Variants in DCLK1 observed in about 807,000 individuals in gnomAD.
DCLK1 encodes the protein serine/threonine-protein kinase DCLK1.
Under a neutral mutation model 86.2 loss-of-function variants are expected in DCLK1, and 16 were observed. The ratio of observed to expected loss-of-function variants is 0.19; its 90% CI spans 0.13 to 0.28. DCLK1 has a LOEUF of 0.28. DCLK1 is among the 10% of genes least tolerant of loss of function. DCLK1 has a pLI of 1.00. For synonymous variants in DCLK1, 369 were observed against 370.5 expected (o/e 1.00, Z 0.05); for missense variants, 590 against 940.2 (o/e 0.63, Z 4.87).
chr13:36,079,037 C>G (rs148480077), intron 3 of DCLK1, among the ~76,000 whole-genome samples: 75 of 152,246 alleles, frequency 4.9e-4, no homozygotes, highest in African/African-American at 1.8e-3. Flanking sequence ...CATCAAAACA[C>G]TTTACATTAA....
At chr13:35,891,972 G>A (rs570642970) in intron 4 of DCLK1, among the ~76,000 whole-genome samples, 7 of 152,154 alleles carry the variant, frequency 4.6e-5, no homozygotes, top group African/African-American at 9.6e-5. Context: ...TTACCGCAAT[G>A]CAGATGCTAT....
At chr13:35,848,862 C>T in intron 6 of DCLK1, 3 of 985,310 alleles carry the variant, frequency 3.0e-6, no homozygotes, top group African/African-American at 1.7e-5. Flanking sequence ...AAAGACATAA[C>T]TAAAACAGAC....
chr13:35,960,045 C>T (rs1878373658), intron 3 of DCLK1, among the ~76,000 whole-genome samples: 1 of 152,134 alleles, frequency 6.6e-6, no homozygotes, highest in Non-Finnish European at 1.5e-5. Context: ...CTATCCCTTT[C>T]CTTTTCCTGG....
chr13:35,884,211 A>G (rs1462026244), intron 4 of DCLK1, among the ~76,000 whole-genome samples: 3 of 152,224 alleles, frequency 2.0e-5, no homozygotes, highest in Non-Finnish European at 4.4e-5. Flanking sequence ...GGAAAAAAAA[A>G]AGACTAAACT....
intron 4 of DCLK1, among the ~76,000 whole-genome samples, chr13:35,922,415 A>G (rs902171008): frequency 1.3e-5 from 2 of 152,194 alleles, no homozygotes; most frequent in Non-Finnish European, 2.9e-5. Context: ...CTACGCATGC[A>G]GCAGATGATC....
chr13:35,923,243 C>T (rs1055830759), intron 4 of DCLK1, among the ~76,000 whole-genome samples: 5 of 152,038 alleles, frequency 3.3e-5, no homozygotes, highest in Non-Finnish European at 4.4e-5. Flanking sequence ...ACTTTAGAGA[C>T]GGGGGTCTCA....
At chr13:35,843,038 T>A (rs1272675690) in intron 6 of DCLK1, among the ~76,000 whole-genome samples, 2 of 152,322 alleles carry the variant, frequency 1.3e-5, no homozygotes, top group East Asian at 3.9e-4. Context: ...ATTAACTTAA[T>A]GAGATTAACC....
chr13:35,929,304 T>G (rs1876298147), intron 4 of DCLK1, among the ~76,000 whole-genome samples: 1 of 152,226 alleles, frequency 6.6e-6, no homozygotes, highest in Admixed American at 6.5e-5. Context: ...AAAAAAGGTA[T>G]GAAAACATAA....
intron 4 of DCLK1, among the ~76,000 whole-genome samples, chr13:35,902,556 G>A (rs1297716400): frequency 6.6e-6 from 1 of 152,216 alleles, no homozygotes; most frequent in Non-Finnish European, 1.5e-5. Context: ...AGAGAAAAGG[G>A]TAGGCATCAG....
intron 3 of DCLK1, among the ~76,000 whole-genome samples, chr13:35,970,227 T>C (rs1229832566): frequency 6.6e-6 from 1 of 152,228 alleles, no homozygotes; most frequent in Non-Finnish European, 1.5e-5. Context: ...TTTCCATTCG[T>C]GGCTCCATCC....
intron 11 of DCLK1, among the ~76,000 whole-genome samples, chr13:35,813,965 G>A (rs1393448979): frequency 6.6e-6 from 1 of 152,070 alleles, no homozygotes; most frequent in Non-Finnish European, 1.5e-5. Context: ...TCACTGTCAG[G>A]CAGGGCAGGA....
chr13:36,056,716 A>G (rs902167991), intron 3 of DCLK1, among the ~76,000 whole-genome samples: 4 of 150,918 alleles, frequency 2.7e-5, no homozygotes, highest in African/African-American at 9.7e-5. Flanking sequence ...TATGCATAAC[A>G]ATAAATATGT....
At chr13:35,845,140 CA>C (rs1870083813) in intron 6 of DCLK1, among the ~76,000 whole-genome samples, 1 of 152,094 alleles carries the variant, frequency 6.6e-6, no homozygotes. Context: ...TCTAGCTACT[CA>C]GGAGGCTGGG....
intron 3 of DCLK1, among the ~76,000 whole-genome samples, chr13:36,019,313 A>G (rs1032124880): frequency 6.6e-6 from 1 of 152,210 alleles, no homozygotes; most frequent in African/African-American, 2.4e-5. Context: ...CAGTTTTCAA[A>G]TAACTTGGCC....
rs112062621 is a variant in DCLK1 at position 36,064,455 on chromosome 13, T to C, written c.723+47414A>G. Among the ~76,000 whole-genome samples, 1,269 of 152,134 alleles carry C rather than the reference T, an allele frequency of 8.3e-3. 15 individuals carry two copies. Among genetic ancestry groups the C allele is most frequent in the African/African-American group, 0.029 (1,195 of 41,496 alleles). On this transcript the variant is annotated intron_variant, in intron 3 of 16. Transcript: ENST00000360631. The stretch of plus-strand genomic sequence containing the variant: ...GTTGGCGGATCACGAGGTCAGGAGA[T>C]CGAGACCATCCTGGCCAACATGGTG...
intron 3 of DCLK1, among the ~76,000 whole-genome samples, chr13:35,983,351 G>T (rs181644356): frequency 2.4e-4 from 37 of 152,124 alleles, no homozygotes; most frequent in African/African-American, 8.7e-4. Context: ...TGTAAGGCTG[G>T]TGGAGCATGT....
intron 3 of DCLK1, among the ~76,000 whole-genome samples, chr13:36,075,870 A>C (rs377086114): frequency 6.0e-4 from 92 of 152,116 alleles, no homozygotes; most frequent in East Asian, 1.4e-3. Context: ...CACACACACA[A>C]AAAAATTAGC....
Position 35,824,340 on chromosome 13 carries a change from C to T in DCLK1, c.1408-1465G>A, listed in dbSNP as rs146844466. On this transcript the variant is annotated intron_variant, in intron 10 of 16. Transcript: ENST00000360631. The stretch of plus-strand genomic sequence containing the variant: ...CACAGGAGCAGGCCATCATGCTTGG[C>T]TAATTATTATTATTTTTTTTGTAGA... Among the ~76,000 whole-genome samples the T allele has an allele frequency of 7.2e-4, 109 of 152,190 alleles. 1 individual carries two copies. The highest frequency in any genetic ancestry group is 2.6e-3 in the African/African-American group (106 of 41,520).
chr13:35,853,585 G>A (rs1318990703), intron 6 of DCLK1, among the ~76,000 whole-genome samples: 3 of 152,150 alleles, frequency 2.0e-5, no homozygotes, highest in Non-Finnish European at 4.4e-5. Context: ...TAATTTTGTG[G>A]AACTCAGAAG....
Sources: gnomAD v4.1 joint callset for allele counts (sites outside exome capture counted in the v4.1 genomes callset) on GRCh38, gnomAD v4.1.1 for gene constraint, MANE v1.5 for transcripts, NCBI Gene and HGNC (gene_info 2026-07-23, HGNC 2026-07-21) for gene names.